Variants in BRWD3 observed in about 807,000 individuals in gnomAD.
The protein encoded by BRWD3 is bromodomain and WD repeat domain containing 3, also known as bromodomain and WD repeat-containing protein 3.
BRWD3 carries 10 observed loss-of-function variants against 149.7 expected under a neutral mutation model. The ratio of observed to expected loss-of-function variants is 0.07; its 90% CI spans 0.04 to 0.11. The LOEUF is 0.11. BRWD3 is among the 10% of genes least tolerant of loss of function. The pLI, the probability that BRWD3 is intolerant of heterozygous loss-of-function variation, is 1.00. For missense variants in BRWD3, 940 were observed against 1,373.2 expected, an observed-to-expected ratio of 0.68 and a Z score of 4.99; for synonymous variants, 504 against 456.7, an observed-to-expected ratio of 1.10 and a Z score of -1.32.
At chrX:80,696,216 A>C (rs1283649416) in intron 26 of BRWD3, among the ~76,000 whole-genome samples, 2 of 111,009 alleles carry the variant, frequency 1.8e-5, no homozygotes, top group Non-Finnish European at 3.8e-5. Context: ...ACAGGTTTAT[A>C]AACCTTAATA....
chrX:80,688,207 G>A (rs770688181), intron 33 of BRWD3, 82 bp from the exon 34 acceptor site: 8 of 810,482 alleles, frequency 9.9e-6, no homozygotes, highest in Non-Finnish European at 1.3e-5. Flanking sequence ...ACAAATAAAC[G>A]GGAAATAAAA....
At chrX:80,779,036 G>A (rs934511086) in intron 6 of BRWD3, among the ~76,000 whole-genome samples, 3 of 110,460 alleles carry the variant, frequency 2.7e-5, no homozygotes, top group Admixed American at 9.6e-5. Flanking sequence ...GAACGTGGTC[G>A]GGCATGGTGG....
intron 40 of BRWD3, 37 bp from the exon 41 acceptor site, chrX:80,677,400 T>C (rs2072378452): frequency 1.7e-6 from 2 of 1,174,823 alleles, no homozygotes; most frequent in Non-Finnish European, 2.3e-6. Flanking sequence ...AGTTAAGCTT[T>C]GACATTGACA....
intron 4 of BRWD3, among the ~76,000 whole-genome samples, chrX:80,802,533 T>C (rs890203365): frequency 5.5e-5 from 6 of 108,368 alleles, no homozygotes; most frequent in African/African-American, 1.7e-4. Context: ...TCTGGGGTCA[T>C]AGTTCTCCAG....
At chrX:80,722,459 A>G in intron 17 of BRWD3, 103 bp downstream of exon 17, 1 of 745,763 alleles carries the variant, frequency 1.3e-6, no homozygotes, top group Non-Finnish European at 2.0e-6. Context: ...AACATATTAT[A>G]ACCTACTCCA....
At chrX:80,808,933 C>G (rs1044007511) in intron 3 of BRWD3, 80 bp downstream of exon 3, 3 of 1,062,260 alleles carry the variant, frequency 2.8e-6, no homozygotes, top group Admixed American at 2.6e-5. Flanking sequence ...TATCCCAGCC[C>G]GTCTTCCGCC....
chrX:80,772,863 CCAAA>C (rs1478950024), intron 6 of BRWD3, among the ~76,000 whole-genome samples: 1 of 111,763 alleles, frequency 8.9e-6, no homozygotes, highest in Admixed American at 9.5e-5. Context: ...TGGTGAATGA[CCAAA>C]CAAACTGTGG....
rs1338695302 is a variant in BRWD3, at chrX:80,790,213, A to AT, written c.430+1640_430+1641insA. Among the ~76,000 whole-genome samples the AT allele has an allele frequency of 2.8e-5, 3 of 108,028 alleles. No homozygotes were observed. In the East Asian group the frequency reaches 8.6e-4, roughly 31 times the overall value. The allele number at this position is 108,028 out of a possible 115,157, so 93.8% of individuals were successfully genotyped here. ...TGTCTCAAAAAAAAAAAAAAAAAAA[A>AT]AAAAAGATATACCTTCATGATTAAA... On this transcript the variant is annotated intron_variant, in intron 6 of 40. Coordinates refer to ENST00000373275, the MANE Select transcript of BRWD3 (RefSeq NM_153252.5).
intron 33 of BRWD3, 35 bp downstream of exon 33, chrX:80,689,733 T>A (rs2072585685): frequency 9.1e-7 from 1 of 1,097,334 alleles, no homozygotes; most frequent in African/African-American, 1.8e-5. Flanking sequence ...AAGAGAAAAG[T>A]AACTCATTCC....
intron 4 of BRWD3, among the ~76,000 whole-genome samples, chrX:80,803,182 A>G (rs2074320215): frequency 9.0e-6 from 1 of 111,231 alleles, no homozygotes; most frequent in African/African-American, 3.3e-5. Context: ...CTACCTTTTT[A>G]GAATACCATT....
chrX:80,685,226 C>T (rs1158639404), intron 36 of BRWD3, among the ~76,000 whole-genome samples: 1 of 110,474 alleles, frequency 9.1e-6, no homozygotes, highest in Non-Finnish European at 1.9e-5. Context: ...GCTGCAGTAG[C>T]TTCAGATCTA....
In BRWD3 at chrX:80,809,721, G is replaced by T; in HGVS notation, c.-250C>A. ...AGAGGGAGAGAGAGAGTGAGTGAGT[G>T]AGAGAGAGAGAGAGAAGAGAGAGAG... On this transcript the variant is annotated 5_prime_UTR_variant, in exon 1 of 41. Transcript: ENST00000373275. 1 of 236,143 alleles carries T rather than the reference G, an allele frequency of 4.2e-6. No individual in the cohort carries two copies. Among genetic ancestry groups the T allele is most frequent in the South Asian group, 1.2e-4 (1 of 8,384 alleles). 19.5% of individuals were successfully genotyped at this position (236,143 alleles called of 1,213,427 possible). A position where few individuals can be genotyped will look rare whatever the true frequency, so the allele number is the denominator to read the frequency against.
intron 9 of BRWD3, 65 bp downstream of exon 9, chrX:80,735,923 T>C (rs2073397408): frequency 2.8e-6 from 2 of 716,513 alleles, no homozygotes; most frequent in Admixed American, 5.1e-5. Context: ...ACATGGACTA[T>C]TAAGAATCAA....
intron 24 of BRWD3, among the ~76,000 whole-genome samples, chrX:80,702,632 T>G (rs1413666930): frequency 2.7e-5 from 3 of 111,819 alleles, no homozygotes; most frequent in African/African-American, 6.5e-5. Context: ...AGAAACATCT[T>G]AAAATATCTA....
chrX:80,809,120 C>A (rs1386817890), intron 2 of BRWD3, 78 bp from the exon 3 acceptor site: 7 of 1,153,404 alleles, frequency 6.1e-6, no homozygotes, highest in Non-Finnish European at 8.2e-6. Flanking sequence ...TAAAGCCCAG[C>A]CGCTGACCGT....
At chrX:80,763,131 A>G (rs1602406239) in intron 6 of BRWD3, among the ~76,000 whole-genome samples, 1 of 111,856 alleles carries the variant, frequency 8.9e-6, no homozygotes, top group East Asian at 2.8e-4. Context: ...TTCTAAGCAC[A>G]TTACATGTTT....
chrX:80,681,430 G>A lies in BRWD3; in HGVS notation c.4565C>T (p.Ser1522Leu), dbSNP rs374994843. The A allele has an allele frequency of 2.7e-5, 32 of 1,207,460 alleles. No individual in the cohort carries two copies. Among genetic ancestry groups the A allele is most frequent in the Middle Eastern group, 4.6e-4 (2 of 4,364 alleles). ...DDEPDGPFSS[S>L]SFGGYSRSGN... ...ACTTCGGCTATATCCACCGAAGCTC[G>A]ATGAAGAAAATGGCCCATCTGGCTC... Residue 1522 changes from serine to leucine, a missense_variant, in exon 40 of 41, where the codon TCG (serine) becomes TTG (leucine). Around this residue, in one of 6 missense-constraint regions of BRWD3, gnomAD observed 349 missense variants for 419.6 expected, o/e 0.83. Transcript: ENST00000373275.
intron 5 of BRWD3, among the ~76,000 whole-genome samples, chrX:80,793,415 C>A (rs1400108098): frequency 9.1e-6 from 1 of 110,328 alleles, no homozygotes; most frequent in Non-Finnish European, 1.9e-5. Flanking sequence ...ATTTTATATT[C>A]TTTACCTATA....
At chrX:80,732,153 G>C (rs1210898568) in intron 12 of BRWD3, among the ~76,000 whole-genome samples, 1 of 111,390 alleles carries the variant, frequency 9.0e-6, no homozygotes, top group African/African-American at 3.3e-5. Flanking sequence ...TTTAGACTTG[G>C]GTTCCATCTC....
Sources: allele counts gnomAD v4.1 joint callset (sites outside exome capture counted in the v4.1 genomes callset), GRCh38; gene constraint gnomAD v4.1.1; regional missense constraint gnomAD v4.1.1; transcripts MANE v1.5; gene names NCBI Gene and HGNC (gene_info 2026-07-23, HGNC 2026-07-21).